The following GNAI2 variants were observed in gnomAD, a reference collection of about 807,000 sequenced individuals.
GNAI2 encodes guanine nucleotide-binding protein G(i) subunit alpha-2.
In GNAI2, 4 loss-of-function variants were observed where a neutral mutation model predicts 36.8. That is an observed-to-expected ratio of 0.11 (90% CI 0.05 to 0.25). The LOEUF (loss-of-function observed/expected upper bound fraction) is 0.25, where lower values mean the gene tolerates loss of function less well. GNAI2 is among the 10% of genes least tolerant of loss of function. The pLI, the probability that GNAI2 is intolerant of heterozygous loss-of-function variation, is 1.00. For missense variants in GNAI2, 230 were observed against 481.3 expected (o/e 0.48, Z 4.89); for synonymous variants, 194 against 194.1 (o/e 1.00, Z 0.01).
intron 1 of GNAI2, chr3:50,247,215 A>G (rs964000343): frequency 9.7e-6 from 6 of 618,710 alleles, no homozygotes; most frequent in East Asian, 5.6e-5. Context: ...GCGTTGTCCC[A>G]TTTCACAGAT....
chr3:50,245,402 C>G (rs1291132568), intron 1 of GNAI2, among the ~76,000 whole-genome samples: 1 of 152,220 alleles, frequency 6.6e-6, no homozygotes, highest in African/African-American at 2.4e-5. Context: ...AGAGGCTACT[C>G]AGGGCAGGCC....
rs374689119 is a variant in GNAI2, at chr3:50,242,276, G to C, written c.118+5823G>C. On this transcript the variant is annotated intron_variant, in intron 1 of 8. Coordinates refer to ENST00000313601, the MANE Select transcript of GNAI2 (RefSeq NM_002070.4). The surrounding 1 kb of genome is among the most constrained non-coding windows in gnomAD (Gnocchi z 4.8). ...CCTCCCCTACATCCCGTTGTGCTGT[G>C]GGGGGAGGCAGGACCGGGCAGATGG... 6.6e-6 allele frequency among the ~76,000 whole-genome samples: 1 copy of C among 152,090 alleles called. No individual in the cohort carries two copies. Among genetic ancestry groups the C allele is most frequent in the East Asian group, 1.9e-4 (1 of 5,194 alleles).
intron 1 of GNAI2, among the ~76,000 whole-genome samples, chr3:50,246,310 C>A (rs1333765859): frequency 1.3e-5 from 2 of 152,216 alleles, no homozygotes; most frequent in African/African-American, 4.8e-5. Context: ...ACAAAACGCT[C>A]CCCAGTGCTG....
upstream of GNAI2, among the ~76,000 whole-genome samples, chr3:50,231,428 G>A (rs187318170): frequency 2.7e-4 from 41 of 152,316 alleles, no homozygotes; most frequent in African/African-American, 8.9e-4. Flanking sequence ...ACAGGCATGC[G>A]CTGCCACGCC....
chr3:50,236,166 C>A, upstream of GNAI2: 1 of 1,166,778 alleles, frequency 8.6e-7, no homozygotes, highest in Non-Finnish European at 1.1e-6. The surrounding 1 kb of genome is among the most constrained non-coding windows in gnomAD (Gnocchi z 4.0). Flanking sequence ...CGGCCCGCCC[C>A]GCCGTCGGTG....
chr3:50,231,497 G>A (rs922389156), upstream of GNAI2, among the ~76,000 whole-genome samples: 8 of 152,228 alleles, frequency 5.3e-5, no homozygotes, highest in Admixed American at 2.0e-4. Flanking sequence ...CAGGATAGTC[G>A]ATCTCTTGAC....
intron 1 of GNAI2, among the ~76,000 whole-genome samples, chr3:50,244,466 A>G (rs782612143): frequency 2.0e-5 from 3 of 152,180 alleles, no homozygotes; most frequent in African/African-American, 4.8e-5. Flanking sequence ...CCAGTCTTAG[A>G]CTGAGACCAA....
rs782164103 is a variant in GNAI2, at chr3:50,252,552, GC to G, written c.303+18del. On this transcript the variant is annotated intron_variant, in intron 3 of 8. Transcript: ENST00000313601. This position sits in a 1 kb window ranked among gnomAD's most constrained non-coding sequence, Gnocchi z 4.1. Reference sequence around the variant, plus strand: ...CCCTCCAGAGCGGTATGTGCCCTCCGCCCCACCCTCTCCCACCTCCCAAAAG... The same window carrying G: ...CCCTCCAGAGCGGTATGTGCCCTCCGCCCACCCTCTCCCACCTCCCAAAAG... 47 of 1,605,622 alleles carry G rather than the reference GC, an allele frequency of 2.9e-5. No homozygotes were observed. Among genetic ancestry groups the G allele is most frequent in the Non-Finnish European group, 3.8e-5 (45 of 1,174,414 alleles).
At chr3:50,244,325 G>T (rs1470789720) in intron 1 of GNAI2, among the ~76,000 whole-genome samples, 1 of 152,080 alleles carries the variant, frequency 6.6e-6, no homozygotes, top group African/African-American at 2.4e-5. Flanking sequence ...CACTGCGCCC[G>T]GCTGCAGCTG....
intron 5 of GNAI2, 100 bp downstream of exon 5, chr3:50,256,420 T>C: frequency 8.7e-7 from 1 of 1,145,284 alleles, no homozygotes; most frequent in Non-Finnish European, 1.3e-6. Flanking sequence ...CACTGAGGTT[T>C]TACAAGGCTC....
At chr3:50,243,412 G>A (rs1700340081) in intron 1 of GNAI2, among the ~76,000 whole-genome samples, 2 of 152,268 alleles carry the variant, frequency 1.3e-5, no homozygotes, top group South Asian at 4.1e-4. Context: ...GCCAGCCACA[G>A]GCTGAGATGA....
upstream of GNAI2, among the ~76,000 whole-genome samples, chr3:50,231,639 A>T (rs1553699801): frequency 6.6e-6 from 1 of 152,202 alleles, no homozygotes; most frequent in African/African-American, 2.4e-5. Flanking sequence ...TAGGGATATG[A>T]GTGGGAGAGA....
chr3:50,247,851 A>C (rs1289684349), intron 1 of GNAI2, among the ~76,000 whole-genome samples: 1 of 152,278 alleles, frequency 6.6e-6, no homozygotes. Context: ...AGCTGGGGAC[A>C]GAGCACTTGG....
At chr3:50,246,972 C>A in intron 1 of GNAI2, 1 of 1,491,636 alleles carries the variant, frequency 6.7e-7, no homozygotes, top group Non-Finnish European at 9.0e-7. Flanking sequence ...CTGTTAGCCG[C>A]TGTCCATTGC....
chr3:50,236,648 G>A lies in GNAI2; in HGVS notation c.118+195G>A, dbSNP rs75731683. Among the ~76,000 whole-genome samples the A allele has an allele frequency of 0.015, 2,298 of 152,084 alleles. 62 individuals carry two copies. Among genetic ancestry groups the A allele is most frequent in the African/African-American group, 0.053 (2,180 of 41,426 alleles). On this transcript the variant is annotated intron_variant, in intron 1 of 8. Transcript: ENST00000313601. This position sits in a 1 kb window ranked among gnomAD's most constrained non-coding sequence, Gnocchi z 4.0. ...TGCCCAGACTCTAGACCAGACCCCTGTCTCATCCCAGACCCCAGACCTCCA... is the reference window on the plus strand; with the variant it reads ...TGCCCAGACTCTAGACCAGACCCCTATCTCATCCCAGACCCCAGACCTCCA...
chr3:50,231,709 C>T (rs893247283), upstream of GNAI2, among the ~76,000 whole-genome samples: 29 of 152,082 alleles, frequency 1.9e-4, no homozygotes, highest in African/African-American at 6.5e-4. Flanking sequence ...CAATGGGACT[C>T]AGAGAAGCCC....
chr3:50,227,105 GAGA>G (rs587725421), upstream of GNAI2: 192 of 1,345,906 alleles, frequency 1.4e-4, no homozygotes, highest in African/African-American at 2.6e-3. This position sits in a 1 kb window ranked among gnomAD's most constrained non-coding sequence, Gnocchi z 5.9. Flanking sequence ...GTGGAAGCGC[GAGA>G]AGGAGGGAGC....
At chr3:50,233,364 G>A (rs1325065666), upstream of GNAI2, among the ~76,000 whole-genome samples, 3 of 152,196 alleles carry the variant, frequency 2.0e-5, no homozygotes, top group African/African-American at 7.2e-5. Flanking sequence ...CCAAGGGGCT[G>A]ACAGGTTCTC....
upstream of GNAI2, chr3:50,227,605 G>T (rs1333465317): frequency 6.4e-6 from 1 of 157,012 alleles, no homozygotes; most frequent in African/African-American, 2.4e-5. The surrounding 1 kb of genome is among the most constrained non-coding windows in gnomAD (Gnocchi z 5.9). Flanking sequence ...CGCACCCCGA[G>T]GCCGCTTCCG....
Sources: gnomAD v4.1 joint callset for allele counts (sites outside exome capture counted in the v4.1 genomes callset) on GRCh38, gnomAD v4.1.1 for gene constraint, Gnocchi (gnomAD v3.1) non-coding constraint, MANE v1.5 for transcripts, NCBI Gene and HGNC (gene_info 2026-07-23, HGNC 2026-07-21) for gene names.